The following SETD5 variants were observed in gnomAD, a reference collection of about 807,000 sequenced individuals.
The protein encoded by SETD5 is histone-lysine N-methyltransferase SETD5.
Under a neutral mutation model 153.3 loss-of-function variants are expected in SETD5, and 44 were observed. That is an observed-to-expected ratio of 0.29 (90% CI 0.23 to 0.37). The LOEUF (loss-of-function observed/expected upper bound fraction) is 0.37. Among genes scored for constraint, SETD5 ranks in the 10% least tolerant of loss-of-function variants. The pLI is 1.00. For synonymous variants in SETD5, 716 were observed against 645.2 expected, an observed-to-expected ratio of 1.11 and a Z score of -1.66; for missense variants, 1,544 against 1,768.0, an observed-to-expected ratio of 0.87 and a Z score of 2.27.
chr3:9,440,560 G>A lies in SETD5; in HGVS notation c.672G>A (p.Gln224=). The A allele has an allele frequency of 6.2e-7, 1 of 1,613,992 alleles. No homozygotes were observed. The highest frequency in any genetic ancestry group is 8.5e-7 in the Non-Finnish European group (1 of 1,179,864). Residue 224 remains glutamine (Q), a synonymous_variant, in exon 8 of 23, where the codon CAG becomes CAA. Transcript: ENST00000402198. The part of the protein sequence containing the change: ...TDQYEEAFTN[Q]YSADVQNALE... ...AGTATGAAGAAGCTTTCACTAATCA[G>A]TACAGTGCAGATGTACAGAACGCGC...
chr3:9,464,983 CT>C (rs1350303508), intron 18 of SETD5: 2 of 378,380 alleles, frequency 5.3e-6, no homozygotes, highest in Non-Finnish European at 1.0e-5. Context: ...TTACTGTATA[CT>C]TTGGTCAAAA....
chr3:9,463,482 A>G (rs1241711837), intron 17 of SETD5, among the ~76,000 whole-genome samples: 1 of 152,252 alleles, frequency 6.6e-6, no homozygotes, highest in African/African-American at 2.4e-5. Context: ...CAAGTGAGAA[A>G]GGTGCTTTGA....
intron 3 of SETD5, among the ~76,000 whole-genome samples, chr3:9,433,128 A>G (rs192878712): frequency 3.3e-4 from 51 of 152,372 alleles, no homozygotes; most frequent in African/African-American, 1.2e-3. Flanking sequence ...GCAGTTCACA[A>G]TGGTAGCCAT....
At chr3:9,467,922 A>G (rs2044804261) in intron 18 of SETD5, among the ~76,000 whole-genome samples, 1 of 151,932 alleles carries the variant, frequency 6.6e-6, no homozygotes. Context: ...AGATTATGCC[A>G]AGAACCAACT....
intron 1 of SETD5, among the ~76,000 whole-genome samples, chr3:9,401,506 C>G (rs1207200890): frequency 6.6e-6 from 1 of 152,148 alleles, no homozygotes; most frequent in East Asian, 1.9e-4. Context: ...TGTCCAGGAA[C>G]TGACTTTCTG....
intron 7 of SETD5, among the ~76,000 whole-genome samples, chr3:9,438,644 G>GA (rs1388236815): frequency 6.6e-6 from 1 of 152,156 alleles, no homozygotes; most frequent in Non-Finnish European, 1.5e-5. Flanking sequence ...ATAAGAATTA[G>GA]AAAAAATTAT....
intron 18 of SETD5, among the ~76,000 whole-genome samples, chr3:9,466,947 T>A (rs1390357636): frequency 6.6e-6 from 1 of 152,088 alleles, no homozygotes; most frequent in Non-Finnish European, 1.5e-5. Flanking sequence ...GAAGATCACT[T>A]AAGACCAGGA....
chr3:9,407,715 T>A (rs949464148), intron 1 of SETD5, among the ~76,000 whole-genome samples: 2 of 152,174 alleles, frequency 1.3e-5, no homozygotes, highest in African/African-American at 4.8e-5. Context: ...AAAATTAATC[T>A]TTTGGCTGGG....
At position 9,434,156 on chromosome 3, in the gene SETD5, T is replaced by G. The variant is rs2040296517; in HGVS notation, c.178-178T>G. The G allele has an allele frequency of 6.5e-7, 1 of 1,548,706 alleles. No homozygotes were observed. Among genetic ancestry groups the G allele is most frequent in the Non-Finnish European group, 8.7e-7 (1 of 1,147,154 alleles). The stretch of plus-strand genomic sequence containing the variant: ...ACCTTGGCATTTTGTTTTATCACTT[T>G]CCTGGTTGAAGCCAAAAAACAAAGG... On this transcript the variant is annotated intron_variant, in intron 4 of 22. Transcript: ENST00000402198. This position sits in a 1 kb window ranked among gnomAD's most constrained non-coding sequence, Gnocchi z 5.6.
In SETD5 at chr3:9,454,622, CAAAAAAAAAAA is replaced by C. The variant is rs67028533; in HGVS notation, c.2476+772_2476+782del. ...GGGCGACAAGAATGAAACTCCGTCT[CAAAAAAAAAAA>C]AAAAAAAAAAAAAAAAACAAATTTT... On this transcript the variant is annotated intron_variant, in intron 17 of 22. Transcript: ENST00000402198. 4.8e-4 allele frequency among the ~76,000 whole-genome samples: 28 copies of C among 57,982 alleles called. 1 individual carries two copies. The highest frequency in any genetic ancestry group is 9.4e-4 in the Admixed American group (3 of 3,194). The allele number at this position is 57,982 out of a possible 152,430, so 38.0% of individuals were successfully genotyped here.
At chr3:9,430,571 G>A in intron 3 of SETD5, 1 of 197,308 alleles carries the variant, frequency 5.1e-6, no homozygotes, top group Non-Finnish European at 9.1e-6. Context: ...TAGCCAGTTT[G>A]TATTGTGTTT....
chr3:9,453,533 A>C (rs1435208171), intron 16 of SETD5, among the ~76,000 whole-genome samples: 4 of 152,146 alleles, frequency 2.6e-5, no homozygotes, highest in Non-Finnish European at 5.9e-5. Flanking sequence ...ATTATATGTA[A>C]TCCAGATTTC....
intron 1 of SETD5, among the ~76,000 whole-genome samples, chr3:9,400,210 CCTTT>C (rs1218760301): frequency 6.6e-6 from 1 of 152,090 alleles, no homozygotes; most frequent in African/African-American, 2.4e-5. Context: ...ATGGTTAAAG[CCTTT>C]CTTTTTTTGT....
At chr3:9,459,628 A>AC (rs564464222) in intron 17 of SETD5, among the ~76,000 whole-genome samples, 15 of 149,088 alleles carry the variant, frequency 1.0e-4, no homozygotes, top group South Asian at 2.1e-4. Flanking sequence ...AACAACAACA[A>AC]AAAAAAAAAC....
intron 21 of SETD5, 28 bp from the exon 22 acceptor site, chr3:9,475,040 A>AT (rs113358265): frequency 1.1e-4 from 173 of 1,523,422 alleles, no homozygotes; most frequent in Admixed American, 3.8e-4. Flanking sequence ...AGCCAAGTTG[A>AT]TTTTTTTTTA....
chr3:9,463,968 A>G (rs2125494126), intron 17 of SETD5, among the ~76,000 whole-genome samples: 1 of 152,326 alleles, frequency 6.6e-6, no homozygotes, highest in Admixed American at 6.5e-5. Flanking sequence ...TCTCTACTAA[A>G]AATACAAAAA....
At chr3:9,428,151 C>T (rs1194206524) in intron 2 of SETD5, among the ~76,000 whole-genome samples, 1 of 152,100 alleles carries the variant, frequency 6.6e-6, no homozygotes, top group African/African-American at 2.4e-5. Context: ...CATGCATAGC[C>T]TCCTCCTGGT....
In SETD5 at chr3:9,400,985, C is replaced by T. The variant is rs17050307; in HGVS notation, c.-177+3008C>T. On this transcript the variant is annotated intron_variant, in intron 1 of 22. Coordinates refer to ENST00000402198, the MANE Select transcript of SETD5 (RefSeq NM_001080517.3). Reference sequence around the variant, plus strand: ...TTCCCCAAGACTCGTGTATCCTATACTTTTTTCTCTCAGAATTTTGATTTG... The same window carrying T: ...TTCCCCAAGACTCGTGTATCCTATATTTTTTTCTCTCAGAATTTTGATTTG... 3.9e-5 allele frequency among the ~76,000 whole-genome samples: 6 copies of T among 152,280 alleles called. No individual in the cohort carries two copies. In the East Asian group the frequency reaches 7.7e-4, roughly 20 times the overall value.
At chr3:9,447,449 C>G in intron 14 of SETD5, 142 bp downstream of exon 14, 1 of 1,249,500 alleles carries the variant, frequency 8.0e-7, no homozygotes, top group Non-Finnish European at 1.1e-6. Context: ...TAACTGGAAC[C>G]ATTTCATTGG....
Sources: allele counts gnomAD v4.1 joint callset (sites outside exome capture counted in the v4.1 genomes callset), GRCh38; gene constraint gnomAD v4.1.1; non-coding constraint Gnocchi (gnomAD v3.1); transcripts MANE v1.5; gene names NCBI Gene and HGNC (gene_info 2026-07-23, HGNC 2026-07-21).